The following DTNB variants were observed in gnomAD, a reference collection of about 807,000 sequenced individuals.
DTNB encodes the protein DTN-B.
DTNB carries 63 observed loss-of-function variants against 90.7 expected under a neutral mutation model. That is an observed-to-expected ratio of 0.69 (90% confidence interval 0.57 to 0.86). The LOEUF (loss-of-function observed/expected upper bound fraction) is 0.86. Among genes scored for constraint, DTNB ranks in the 40% least tolerant of loss-of-function variants. The pLI, the probability that DTNB is intolerant of heterozygous loss-of-function variation, is 0.00. For missense variants in DTNB, 744 were observed against 807.1 expected, an observed-to-expected ratio of 0.92 and a Z score of 0.95; for synonymous variants, 277 against 286.7, an observed-to-expected ratio of 0.97 and a Z score of 0.34.
At chr2:25,506,406 G>A (rs1468530554) in intron 9 of DTNB, among the ~76,000 whole-genome samples, 1 of 151,868 alleles carries the variant, frequency 6.6e-6, no homozygotes, top group Non-Finnish European at 1.5e-5. Context: ...AGGATGTGTG[G>A]GTTTGTCATA....
chr2:25,502,097 T>C (rs1000820734), intron 9 of DTNB, among the ~76,000 whole-genome samples: 14 of 152,040 alleles, frequency 9.2e-5, no homozygotes, highest in Non-Finnish European at 1.8e-4. Flanking sequence ...GGTGGGAGGA[T>C]TGCTTAAGCC....
At chr2:25,665,170 T>C (rs2084126079) in intron 1 of DTNB, among the ~76,000 whole-genome samples, 1 of 152,214 alleles carries the variant, frequency 6.6e-6, no homozygotes, top group Non-Finnish European at 1.5e-5. Flanking sequence ...GTACATGCCT[T>C]TGTGTTAAAT....
intron 8 of DTNB, among the ~76,000 whole-genome samples, chr2:25,536,747 G>A (rs1012801166): frequency 1.3e-5 from 2 of 152,138 alleles, no homozygotes; most frequent in Non-Finnish European, 2.9e-5. Flanking sequence ...GGAGACGGGA[G>A]AGGGGAGAGG....
chr2:25,658,307 G>A (rs1486875441), intron 1 of DTNB, among the ~76,000 whole-genome samples: 1 of 151,892 alleles, frequency 6.6e-6, no homozygotes, highest in East Asian at 1.9e-4. Context: ...AGAGGCAGCA[G>A]GAACTCTCAT....
chr2:25,416,804 CGAAGGAAGGAAG>C (rs56106629), intron 16 of DTNB, among the ~76,000 whole-genome samples: 533 of 130,064 alleles, frequency 4.1e-3, no homozygotes, highest in Middle Eastern at 7.5e-3. Flanking sequence ...AAGGAAGGAA[CGAAGGAAGGAAG>C]GAAGGAAGGA....
At chr2:25,635,940 G>C (rs1463908025) in intron 3 of DTNB, among the ~76,000 whole-genome samples, 1 of 152,114 alleles carries the variant, frequency 6.6e-6, no homozygotes, top group Non-Finnish European at 1.5e-5. Flanking sequence ...AAACAGACCA[G>C]GGAACACAAG....
At chr2:25,630,460 AAAC>A (rs1328960104) in intron 3 of DTNB, among the ~76,000 whole-genome samples, 3 of 152,218 alleles carry the variant, frequency 2.0e-5, no homozygotes, top group African/African-American at 4.8e-5. Context: ...CCAAAAGTGA[AAAC>A]AACCCAAATG....
chr2:25,577,416 G>A (rs750004993), intron 7 of DTNB, among the ~76,000 whole-genome samples: 21 of 151,196 alleles, frequency 1.4e-4, no homozygotes, highest in Non-Finnish European at 2.4e-4. Flanking sequence ...CAGCCTGGGC[G>A]ACAGAGCAAG....
chr2:25,561,724 C>G (rs1178264426), intron 8 of DTNB, among the ~76,000 whole-genome samples: 1 of 152,230 alleles, frequency 6.6e-6, no homozygotes, highest in African/African-American at 2.4e-5. Flanking sequence ...GTCCTGTGAT[C>G]TGCCTGCTTC....
At chr2:25,519,111 C>T (rs1156541049) in intron 9 of DTNB, among the ~76,000 whole-genome samples, 1 of 152,134 alleles carries the variant, frequency 6.6e-6, no homozygotes, top group Non-Finnish European at 1.5e-5. Flanking sequence ...TGTCTATAAT[C>T]CAGTGCTATG....
At chr2:25,534,943 AGAGGCGCTCCTTACCGCCCAGACAAT>A (rs1352144616) in intron 8 of DTNB, among the ~76,000 whole-genome samples, 11 of 143,754 alleles carry the variant, frequency 7.7e-5, no homozygotes, top group African/African-American at 2.9e-4. Context: ...GCGGGTGGGC[AGAGGCGCTCCTTACCGCCCAGACAAT>A]GAGGTGCTCC....
intron 16 of DTNB, 179 bp downstream of exon 16, chr2:25,419,318 GAACATGCTCTACTGGGTA>G: frequency 1.3e-6 from 1 of 757,124 alleles, no homozygotes; most frequent in South Asian, 1.6e-5. Context: ...TTTTAAGTAA[GAACATGCTCTACTGGGTA>G]AACATGCCTT....
chr2:25,506,649 A>G (rs1034199618), intron 9 of DTNB, among the ~76,000 whole-genome samples: 2 of 152,188 alleles, frequency 1.3e-5, no homozygotes, highest in Non-Finnish European at 2.9e-5. Flanking sequence ...CGCACATTCT[A>G]TGCACTTAGC....
chr2:25,586,125 G>A (rs1281408143), intron 6 of DTNB, among the ~76,000 whole-genome samples: 1 of 152,064 alleles, frequency 6.6e-6, no homozygotes, highest in Non-Finnish European at 1.5e-5. Context: ...GTGAAAACGA[G>A]GATGCAAATA....
chr2:25,545,673 G>A (rs1252522059), intron 8 of DTNB, among the ~76,000 whole-genome samples: 1 of 152,190 alleles, frequency 6.6e-6, no homozygotes, highest in African/African-American at 2.4e-5. Context: ...CCAGGCTGGA[G>A]TGCAGTGGTA....
intron 7 of DTNB, among the ~76,000 whole-genome samples, chr2:25,577,820 G>C (rs1032574647): frequency 3.3e-5 from 5 of 152,134 alleles, no homozygotes; most frequent in Non-Finnish European, 7.3e-5. Flanking sequence ...GACCAACATG[G>C]AGAAACCCCG....
Position 25,380,983 on chromosome 2 carries a change from A to G in DTNB, c.1880-1660T>C, listed in dbSNP as rs142290560. Among the ~76,000 whole-genome samples, 307 of 152,350 alleles carry G rather than the reference A, an allele frequency of 2.0e-3. 1 individual carries two copies. The highest frequency in any genetic ancestry group is 7.0e-3 in the African/African-American group (291 of 41,576). ...GGCCCACACTCAGACTCGAACCAGGATAAGGGCTAGAGTTCGTGGCCAGGG... is the reference window on the plus strand; with the variant it reads ...GGCCCACACTCAGACTCGAACCAGGGTAAGGGCTAGAGTTCGTGGCCAGGG... On this transcript the variant is annotated intron_variant, in intron 19 of 20. Coordinates refer to ENST00000406818, the MANE Select transcript of DTNB (RefSeq NM_021907.5).
At chr2:25,580,642 A>T in intron 7 of DTNB, 79 bp downstream of exon 7, 1 of 1,274,822 alleles carries the variant, frequency 7.8e-7, no homozygotes, top group Non-Finnish European at 1.1e-6. Flanking sequence ...CAATGATATT[A>T]ATAGCTAAGG....
chr2:25,508,765 T>A (rs888199929), intron 9 of DTNB, among the ~76,000 whole-genome samples: 1 of 152,090 alleles, frequency 6.6e-6, no homozygotes. Flanking sequence ...AACTCCCAAC[T>A]TCGGGTGATC....
Sources: allele counts gnomAD v4.1 joint callset (sites outside exome capture counted in the v4.1 genomes callset), GRCh38; gene constraint gnomAD v4.1.1; transcripts MANE v1.5; gene names NCBI Gene and HGNC (gene_info 2026-07-23, HGNC 2026-07-21).